NSUN6: variants seen among roughly 807,000 people sequenced by gnomAD.
NSUN6 encodes the protein NOP2/Sun RNA methyltransferase 6.
Under a neutral mutation model 58.0 loss-of-function variants are expected in NSUN6, and 64 were observed. The ratio of observed to expected loss-of-function variants is 1.10; its 90% CI spans 0.90 to 1.36. NSUN6 has a LOEUF of 1.36. Among genes scored for constraint, NSUN6 ranks in the 40% most tolerant of loss-of-function variants. The pLI, the probability that NSUN6 is intolerant of heterozygous loss-of-function variation, is 0.00. For synonymous variants in NSUN6, 231 were observed against 193.9 expected (o/e 1.19, Z -1.59); for missense variants, 701 against 550.1 (o/e 1.27, Z -2.74).
chr10:18,554,730 G>T (rs769329878), intron 8 of NSUN6, among the ~76,000 whole-genome samples: 3 of 150,734 alleles, frequency 2.0e-5, no homozygotes, highest in African/African-American at 7.3e-5. Flanking sequence ...GTGGAGTGGA[G>T]AATGTATGGG....
chr10:18,633,148 T>C (rs1178890833), intron 3 of NSUN6, among the ~76,000 whole-genome samples: 6 of 151,698 alleles, frequency 4.0e-5, no homozygotes, highest in Non-Finnish European at 7.4e-5. Context: ...CAGTAAACTA[T>C]GGCAAGAACA....
rs773858494 is a variant in NSUN6, at chr10:18,609,931, A to C, written c.576-5T>G. The C allele has an allele frequency of 2.6e-6, 4 of 1,559,164 alleles. No homozygotes were observed. The highest frequency in any genetic ancestry group is 3.5e-6 in the Non-Finnish European group (4 of 1,130,372). On this transcript the variant is annotated splice_polypyrimidine_tract_variant and splice_region_variant and intron_variant, in intron 5 of 10. Transcript: ENST00000377304. ...GTCATTCTTATGCCCATGCCTCTGAAAAATAGGAAATCTAACATTAGTCTG... is the reference window on the plus strand; with the variant it reads ...GTCATTCTTATGCCCATGCCTCTGACAAATAGGAAATCTAACATTAGTCTG...
chr10:18,646,236 A>T (rs144574120), intron 2 of NSUN6, among the ~76,000 whole-genome samples: 1,979 of 152,306 alleles, frequency 0.013, 26 homozygotes, highest in Admixed American at 0.021. Context: ...GTGCACAGAT[A>T]TTGGGGAGAA....
intron 6 of NSUN6, among the ~76,000 whole-genome samples, chr10:18,606,749 G>C (rs2058061410): frequency 6.6e-6 from 1 of 151,996 alleles, no homozygotes; most frequent in Admixed American, 6.6e-5. Context: ...ATGAGAGGAA[G>C]TAGAAAAAAA....
chr10:18,619,145 T>C (rs944248679), intron 3 of NSUN6, among the ~76,000 whole-genome samples: 2 of 152,216 alleles, frequency 1.3e-5, no homozygotes, highest in South Asian at 4.1e-4. Flanking sequence ...GTGTAGCTTT[T>C]AACAATGCCA....
chr10:18,637,929 A>G (rs1027109215), intron 3 of NSUN6, among the ~76,000 whole-genome samples: 1 of 152,214 alleles, frequency 6.6e-6, no homozygotes, highest in Non-Finnish European at 1.5e-5. Flanking sequence ...GCATTCATGT[A>G]TGCAGATGTA....
chr10:18,651,835 C>G, upstream of NSUN6: 1 of 985,432 alleles, frequency 1.0e-6, no homozygotes, highest in Non-Finnish European at 1.2e-6. Context: ...TTCCCGGTAC[C>G]GGAGGGCTAG....
At chr10:18,628,284 A>G (rs542538257) in intron 3 of NSUN6, among the ~76,000 whole-genome samples, 1 of 152,280 alleles carries the variant, frequency 6.6e-6, no homozygotes, top group South Asian at 2.1e-4. Flanking sequence ...CCAAAAGTAG[A>G]TAAAACCACA....
chr10:18,638,916 G>C (rs2059305323), intron 3 of NSUN6, among the ~76,000 whole-genome samples: 1 of 131,134 alleles, frequency 7.6e-6, no homozygotes, highest in Non-Finnish European at 1.6e-5. Context: ...TTATACTTGG[G>C]AAATAACAAT....
rs2056550331 is a variant in NSUN6, at chr10:18,574,419, G to C, written c.922+11530C>G. 2.0e-5 allele frequency among the ~76,000 whole-genome samples: 3 copies of C among 151,894 alleles called. No individual in the cohort carries two copies. The South Asian group carries it at 6.3e-4, about 32-fold the overall frequency. ...CTCAACCCAGCAGGTTTCCTAACAG[G>C]AAATCCAAATCTAAGGAGGGAACAC... On this transcript the variant is annotated intron_variant, in intron 8 of 10. Transcript: ENST00000377304.
chr10:18,635,873 AAAG>A (rs1354546977), intron 3 of NSUN6, among the ~76,000 whole-genome samples: 7 of 151,308 alleles, frequency 4.6e-5, no homozygotes, highest in African/African-American at 7.3e-5. Context: ...AAAAAAAGAC[AAAG>A]AAGAACTAAG....
intron 9 of NSUN6, among the ~76,000 whole-genome samples, chr10:18,549,600 A>G (rs1191120346): frequency 6.6e-6 from 1 of 152,086 alleles, no homozygotes; most frequent in Non-Finnish European, 1.5e-5. Context: ...CCACTTTCTC[A>G]ATGCTGTACC....
chr10:18,572,247 T>C (rs1023156350), intron 8 of NSUN6, among the ~76,000 whole-genome samples: 2 of 144,900 alleles, frequency 1.4e-5, no homozygotes, highest in Admixed American at 6.9e-5. Flanking sequence ...CATTGCATTG[T>C]CCATTCCATC....
intron 8 of NSUN6, 47 bp downstream of exon 8, chr10:18,585,902 A>T: frequency 2.8e-6 from 4 of 1,432,028 alleles, no homozygotes; most frequent in Non-Finnish European, 3.8e-6. Context: ...TGTATGCCAC[A>T]AATATATGAT....
At chr10:18,551,762 T>C (rs1181033526) in intron 9 of NSUN6, 61 bp downstream of exon 9, 17 of 1,413,820 alleles carry the variant, frequency 1.2e-5, no homozygotes, top group Non-Finnish European at 1.5e-5. Context: ...TTGCTGTCAG[T>C]AGTTTAAACA....
At chr10:18,563,935 T>A (rs2055735026) in intron 8 of NSUN6, among the ~76,000 whole-genome samples, 1 of 150,568 alleles carries the variant, frequency 6.6e-6, no homozygotes, top group Non-Finnish European at 1.5e-5. Flanking sequence ...TCCACGTCAT[T>A]CTTCACTCCA....
intron 3 of NSUN6, among the ~76,000 whole-genome samples, chr10:18,641,675 G>GA (rs11402800): frequency 0.78 from 118,705 of 152,048 alleles, 46,477 homozygotes; most frequent in East Asian, 0.95. Context: ...GATCCAGCCT[G>GA]AAACCTATTT....
At chr10:18,567,880 T>A (rs1731475018) in intron 8 of NSUN6, among the ~76,000 whole-genome samples, 1 of 150,586 alleles carries the variant, frequency 6.6e-6, no homozygotes, top group Admixed American at 6.7e-5. Flanking sequence ...CTCCATACCA[T>A]CCTCCATTCC....
upstream of NSUN6, chr10:18,653,093 T>A (rs2059736993): frequency 2.0e-6 from 2 of 984,984 alleles, no homozygotes; most frequent in Non-Finnish European, 2.4e-6. Flanking sequence ...GTAGCCTGAA[T>A]TTCATGGTGA....
Sources: gnomAD v4.1 joint callset for allele counts (sites outside exome capture counted in the v4.1 genomes callset) on GRCh38, gnomAD v4.1.1 for gene constraint, MANE v1.5 for transcripts, NCBI Gene and HGNC (gene_info 2026-07-23, HGNC 2026-07-21) for gene names.